Variants in LEPR observed in about 807,000 individuals in gnomAD.
LEPR encodes leptin receptor.
In LEPR, 56 loss-of-function variants were observed where a neutral mutation model predicts 114.7. The observed-to-expected ratio is 0.49, with a 90% CI of 0.39 to 0.61. The LOEUF (loss-of-function observed/expected upper bound fraction) is 0.61. Among genes scored for constraint, LEPR ranks in the 20% least tolerant of loss-of-function variants. LEPR has a pLI of 0.00. For missense variants in LEPR, 1,202 were observed against 1,352.9 expected (o/e 0.89, Z 1.75); for synonymous variants, 443 against 461.4 (o/e 0.96, Z 0.51).
intron 8 of LEPR, among the ~76,000 whole-genome samples, chr1:65,600,125 A>G (rs1237823923): frequency 6.6e-6 from 1 of 152,102 alleles, no homozygotes; most frequent in East Asian, 1.9e-4. Flanking sequence ...TATATTTTTT[A>G]TTTTTAAATA....
At chr1:65,589,548 A>G (rs1222151529) in intron 5 of LEPR, among the ~76,000 whole-genome samples, 1 of 151,760 alleles carries the variant, frequency 6.6e-6, no homozygotes, top group Non-Finnish European at 1.5e-5. Context: ...TCATAGCTTT[A>G]GGTTTTACAT....
intron 2 of LEPR, among the ~76,000 whole-genome samples, chr1:65,533,796 A>G (rs1227815358): frequency 3.3e-5 from 5 of 152,088 alleles, no homozygotes; most frequent in African/African-American, 1.2e-4. Context: ...ACTTTAGTCA[A>G]TTTGGAGTAA....
chr1:65,491,900 T>C (rs1647891859), intron 2 of LEPR, among the ~76,000 whole-genome samples: 1 of 152,122 alleles, frequency 6.6e-6, no homozygotes, highest in Non-Finnish European at 1.5e-5. Context: ...CGTTTTGTGT[T>C]TCTGTTGAGA....
intron 2 of LEPR, among the ~76,000 whole-genome samples, chr1:65,529,238 C>T (rs566323366): frequency 7.9e-5 from 12 of 152,052 alleles, no homozygotes; most frequent in African/African-American, 2.7e-4. Flanking sequence ...AGAGTTATCT[C>T]GGCTGGGCAT....
At chr1:65,596,258 A>G (rs1443033096) in intron 6 of LEPR, among the ~76,000 whole-genome samples, 190 bp from the exon 7 acceptor site, 1 of 152,118 alleles carries the variant, frequency 6.6e-6, no homozygotes, top group East Asian at 1.9e-4. Context: ...ATGGATTGCT[A>G]TGATAAGGTA....
Position 65,622,911 on chromosome 1 carries a change from A to C in LEPR, c.2603A>C (p.Lys868Thr). ...GTLLISHQRMKKLFWEDVPNP... is the reference protein window; with the variant it reads ...GTLLISHQRMTKLFWEDVPNP... ...GCCCTGTTTATCCTTTGTAGAATGA[A>C]AAAGCTATTTTGGGAAGATGTTCCG... The change falls in exon 19 of 20, where the codon AAA becomes ACA. Residue 868 changes from lysine (K) to threonine (T), a missense_variant. Coordinates refer to ENST00000349533, the MANE Select transcript of LEPR (RefSeq NM_002303.6). 6.2e-7 allele frequency: 1 copy of C among 1,613,978 alleles called. No homozygotes were observed. The highest frequency in any genetic ancestry group is 8.5e-7 in the Non-Finnish European group (1 of 1,179,918).
At chr1:65,631,957 A>C (rs1406629513) in intron 19 of LEPR, among the ~76,000 whole-genome samples, 1 of 151,504 alleles carries the variant, frequency 6.6e-6, no homozygotes, top group East Asian at 1.9e-4. Context: ...TATTTTTCTC[A>C]TTCTCTGTTT....
chr1:65,605,772 TATTA>T (rs1428971458), intron 11 of LEPR, among the ~76,000 whole-genome samples: 2 of 152,192 alleles, frequency 1.3e-5, no homozygotes, highest in Non-Finnish European at 2.9e-5. Flanking sequence ...ATTTCAAAGA[TATTA>T]AGAGAGCCCT....
chr1:65,622,831 G>A, intron 18 of LEPR, 75 bp from the exon 19 acceptor site: 1 of 1,502,342 alleles, frequency 6.7e-7, no homozygotes, highest in Non-Finnish European at 9.2e-7. Context: ...TTTCTAGCTT[G>A]TCTGTTCACT....
intron 2 of LEPR, chr1:65,486,424 C>T (rs752331133): frequency 2.6e-5 from 4 of 152,140 alleles, no homozygotes; most frequent in Non-Finnish European, 5.9e-5. Flanking sequence ...ATTTCTTTGA[C>T]ATGTGAAGCA....
chr1:65,632,492 G>C (rs184725347), intron 19 of LEPR, among the ~76,000 whole-genome samples: 20 of 152,216 alleles, frequency 1.3e-4, no homozygotes, highest in Admixed American at 4.6e-4. Flanking sequence ...GCCTATTTGT[G>C]TTTGGGACAA....
intron 19 of LEPR, among the ~76,000 whole-genome samples, chr1:65,623,778 G>A (rs2101017085): frequency 6.6e-6 from 1 of 152,096 alleles, no homozygotes; most frequent in East Asian, 1.9e-4. Context: ...ATAAACTAAA[G>A]CCCCCTGAAG....
At chr1:65,579,707 G>A (rs1411965240) in intron 5 of LEPR, among the ~76,000 whole-genome samples, 1 of 152,128 alleles carries the variant, frequency 6.6e-6, no homozygotes, top group African/African-American at 2.4e-5. Context: ...AAGGCAAAAT[G>A]CTCAGTTTTA....
chr1:65,439,203 T>TA (rs1278799565), intron 2 of LEPR, among the ~76,000 whole-genome samples: 1 of 152,042 alleles, frequency 6.6e-6, no homozygotes, highest in Non-Finnish European at 1.5e-5. Flanking sequence ...TTCCGCAACA[T>TA]GATTTATAGA....
intron 3 of LEPR, among the ~76,000 whole-genome samples, chr1:65,566,820 C>T (rs1281461482): frequency 6.6e-6 from 1 of 152,200 alleles, no homozygotes; most frequent in Non-Finnish European, 1.5e-5. Flanking sequence ...GTACATACTT[C>T]TCTTTCATTG....
At chr1:65,452,227 G>A (rs1368679696) in intron 2 of LEPR, among the ~76,000 whole-genome samples, 1 of 152,152 alleles carries the variant, frequency 6.6e-6, no homozygotes, top group East Asian at 1.9e-4. Flanking sequence ...TCTGCAAACA[G>A]GGACAATTTG....
chr1:65,604,454 C>T (rs1290758685), intron 10 of LEPR, among the ~76,000 whole-genome samples: 1 of 152,118 alleles, frequency 6.6e-6, no homozygotes, highest in Non-Finnish European at 1.5e-5. Flanking sequence ...AAGCGATTCT[C>T]CTGCCTCAGC....
At chr1:65,488,670 TCA>T (rs374231305) in intron 2 of LEPR, among the ~76,000 whole-genome samples, 143 of 152,118 alleles carry the variant, frequency 9.4e-4, no homozygotes, top group African/African-American at 3.3e-3. Flanking sequence ...TTGACTATAG[TCA>T]CCCTGTTGTG....
chr1:65,605,235 T>A lies in LEPR; in HGVS notation c.1601T>A (p.Val534Glu), dbSNP rs766755871. 27 of 1,614,112 alleles carry A rather than the reference T, an allele frequency of 1.7e-5. No homozygotes were observed. Among genetic ancestry groups the A allele is most frequent in the Non-Finnish European group, 2.3e-5 (27 of 1,180,010 alleles). The change falls in exon 11 of 20, where the codon GTG becomes GAG. Residue 534 changes from valine (V) to glutamate (E), a missense_variant and splice_region_variant. By Grantham distance (121) the Val-to-Glu change is moderately radical. Transcript: ENST00000349533. Reference sequence around the variant, plus strand: ...CCAACATGTGTCCTTCCTGATTCTGTGGGTATGTCAAGCTGCGTTGTGTCT... The same window carrying A: ...CCAACATGTGTCCTTCCTGATTCTGAGGGTATGTCAAGCTGCGTTGTGTCT... ...SPPTCVLPDS[V>E]VKPLPPSSVK... is the part of the protein sequence containing the mutation.
Sources: allele counts gnomAD v4.1 joint callset (sites outside exome capture counted in the v4.1 genomes callset), GRCh38; gene constraint gnomAD v4.1.1; transcripts MANE v1.5; gene names NCBI Gene and HGNC (gene_info 2026-07-23, HGNC 2026-07-21).